Variants in RALA observed in about 807,000 individuals in gnomAD.
RALA encodes ras-related protein Ral-A.
In RALA, 5 loss-of-function variants were observed where a neutral mutation model predicts 24.0. The ratio of observed to expected loss-of-function variants is 0.21; its 90% CI spans 0.11 to 0.44. RALA has a LOEUF of 0.44. Ranked by LOEUF, RALA falls within the 20% of genes least tolerant of loss-of-function variation. The pLI is 0.99. For synonymous variants in RALA, 77 were observed against 83.8 expected (o/e 0.92, Z 0.44); for missense variants, 95 against 241.2 (o/e 0.39, Z 4.01).
chr7:39,670,309 G>T (rs970913922), intron 1 of RALA, among the ~76,000 whole-genome samples: 6 of 151,962 alleles, frequency 3.9e-5, no homozygotes, highest in African/African-American at 1.2e-4. Context: ...CCACATCCAG[G>T]TAATTTTTAT....
intron 1 of RALA, among the ~76,000 whole-genome samples, chr7:39,630,350 C>G (rs1791574971): frequency 6.6e-6 from 1 of 151,858 alleles, no homozygotes; most frequent in Non-Finnish European, 1.5e-5. Context: ...TCGTGCCCGA[C>G]CAATTTGCCC....
chr7:39,642,749 A>AT (rs1791842051), intron 1 of RALA, among the ~76,000 whole-genome samples: 1 of 152,202 alleles, frequency 6.6e-6, no homozygotes, highest in African/African-American at 2.4e-5. Flanking sequence ...TGGGAGCAGC[A>AT]TTTAGTAGAC....
At chr7:39,694,469 G>A (rs548982583) in intron 3 of RALA, among the ~76,000 whole-genome samples, 1 of 152,154 alleles carries the variant, frequency 6.6e-6, no homozygotes, top group Admixed American at 6.5e-5. Context: ...TTCTACTTAA[G>A]TGTGTCTCTG....
At chr7:39,634,142 G>A (rs1791646594) in intron 1 of RALA, among the ~76,000 whole-genome samples, 1 of 152,072 alleles carries the variant, frequency 6.6e-6, no homozygotes, top group Admixed American at 6.5e-5. Flanking sequence ...CTCAGTCCAT[G>A]GCCTGTTGTC....
chr7:39,703,966 G>A (rs541944548), intron 4 of RALA, among the ~76,000 whole-genome samples: 1 of 152,014 alleles, frequency 6.6e-6, no homozygotes, highest in Admixed American at 6.6e-5. Context: ...AGGAGTTCGA[G>A]ACCAGCCTGG....
At chr7:39,695,679 C>T (rs556157422) in intron 3 of RALA, among the ~76,000 whole-genome samples, 8 of 152,216 alleles carry the variant, frequency 5.3e-5, no homozygotes, top group African/African-American at 9.6e-5. Flanking sequence ...GCTGGGTTTA[C>T]AGGTATGAGC....
intron 1 of RALA, among the ~76,000 whole-genome samples, chr7:39,685,433 C>G (rs1792680630): frequency 6.6e-6 from 1 of 152,218 alleles, no homozygotes; most frequent in Non-Finnish European, 1.5e-5. Context: ...GTGTCCGAAA[C>G]AAGTCAAAGA....
intron 1 of RALA, among the ~76,000 whole-genome samples, chr7:39,643,618 G>A (rs1186504734): frequency 6.6e-6 from 1 of 152,172 alleles, no homozygotes; most frequent in African/African-American, 2.4e-5. Flanking sequence ...CACTTTGGGA[G>A]GCAGATGCAG....
chr7:39,633,679 A>G (rs1791636638), intron 1 of RALA, among the ~76,000 whole-genome samples: 1 of 152,162 alleles, frequency 6.6e-6, no homozygotes, highest in Admixed American at 6.5e-5. Context: ...GGGTAATCCT[A>G]GAGTACATAT....
chr7:39,664,024 AG>A, intron 1 of RALA, among the ~76,000 whole-genome samples: 1 of 152,358 alleles, frequency 6.6e-6, no homozygotes, highest in Middle Eastern at 3.4e-3. Flanking sequence ...AATTCCCAGA[AG>A]CCATTAAGAA....
At chr7:39,662,547 A>C (rs1249809429) in intron 1 of RALA, among the ~76,000 whole-genome samples, 2 of 152,168 alleles carry the variant, frequency 1.3e-5, no homozygotes, top group African/African-American at 4.8e-5. Context: ...TCTCTAGTTC[A>C]GGGGCAAAAT....
rs1055640396 is a variant in RALA at position 39,698,019 on chromosome 7, C to T, written c.498+1160C>T. 1.8e-4 allele frequency among the ~76,000 whole-genome samples: 27 copies of T among 151,890 alleles called. No homozygotes were observed. The East Asian group carries it at 2.1e-3, about 12-fold the overall frequency. ...TTGCTTAAATAACAAAGTTATTTCT[C>T]ACAGTTCTGGAGGCTGGCGAGTCCA... is the stretch of plus-strand genomic sequence containing the variant. On this transcript the variant is annotated intron_variant, in intron 4 of 4. Coordinates refer to ENST00000005257, the MANE Select transcript of RALA (RefSeq NM_005402.4).
intron 1 of RALA, among the ~76,000 whole-genome samples, chr7:39,683,143 CA>C (rs917631169): frequency 5.9e-5 from 9 of 152,280 alleles, no homozygotes; most frequent in African/African-American, 2.2e-4. Context: ...TTGGGATTCC[CA>C]GCCTTCAGAA....
chr7:39,625,420 G>A (rs183273805), intron 1 of RALA, among the ~76,000 whole-genome samples: 46 of 152,320 alleles, frequency 3.0e-4, no homozygotes, highest in African/African-American at 1.1e-3. Flanking sequence ...TATGTTTGGG[G>A]TTGATAACTG....
At chr7:39,670,264 G>A (rs1792356708) in intron 1 of RALA, among the ~76,000 whole-genome samples, 1 of 152,116 alleles carries the variant, frequency 6.6e-6, no homozygotes, top group South Asian at 2.1e-4. Flanking sequence ...TCTCACCTGA[G>A]CCTCCTGAGT....
intron 2 of RALA, 66 bp downstream of exon 2, chr7:39,686,847 T>C: frequency 7.9e-7 from 1 of 1,270,424 alleles, no homozygotes; most frequent in Non-Finnish European, 1.1e-6. Flanking sequence ...AGCTTAGTTT[T>C]GGTGCTATTT....
intron 1 of RALA, among the ~76,000 whole-genome samples, chr7:39,633,264 G>A (rs929028759): frequency 1.3e-5 from 2 of 152,204 alleles, no homozygotes; most frequent in Non-Finnish European, 2.9e-5. Context: ...ACCCGAGAAT[G>A]GGTAATTTAT....
chr7:39,625,053 G>T (rs980345611), intron 1 of RALA, among the ~76,000 whole-genome samples: 2 of 152,176 alleles, frequency 1.3e-5, no homozygotes, highest in Admixed American at 6.5e-5. Flanking sequence ...CAGGAGCCAT[G>T]TCCTACTTAT....
intron 1 of RALA, among the ~76,000 whole-genome samples, chr7:39,653,647 ACCT>A (rs1008124738): frequency 1.3e-5 from 2 of 152,192 alleles, no homozygotes; most frequent in African/African-American, 4.8e-5. Context: ...ATGAAGTGTC[ACCT>A]CAGCTCAGCA....
Sources: allele counts gnomAD v4.1 joint callset (sites outside exome capture counted in the v4.1 genomes callset), GRCh38; gene constraint gnomAD v4.1.1; transcripts MANE v1.5; gene names NCBI Gene and HGNC (gene_info 2026-07-23, HGNC 2026-07-21).